Variants in MBD3 observed in about 807,000 individuals in gnomAD.
MBD3 encodes methyl-CpG binding domain protein 3, also known as methyl-CpG-binding domain protein 3.
MBD3 carries 13 observed loss-of-function variants against 31.2 expected under a neutral mutation model. That is an observed-to-expected ratio of 0.42 (90% confidence interval 0.27 to 0.66). The LOEUF (loss-of-function observed/expected upper bound fraction) is 0.66. Ranked by LOEUF, MBD3 falls within the 30% of genes least tolerant of loss-of-function variation. The pLI, the probability that MBD3 is intolerant of heterozygous loss-of-function variation, is 0.26. For missense variants in MBD3, 440 were observed against 426.5 expected, an observed-to-expected ratio of 1.03 and a Z score of -0.28; for synonymous variants, 223 against 187.4, an observed-to-expected ratio of 1.19 and a Z score of -1.55.
At chr19:1,589,843 AAATGAATGAATG>A (rs887978592) in intron 1 of MBD3, among the ~76,000 whole-genome samples, 1 of 152,142 alleles carries the variant, frequency 6.6e-6, no homozygotes, top group East Asian at 1.9e-4. Flanking sequence ...CACAATGAAT[AAATGAATGAATG>A]AATGCAAATG....
Position 1,581,191 on chromosome 19 carries a change from G to T in MBD3, c.578C>A (p.Thr193Lys). ...SALHTSTMPI[T>K]GQLSAAVEKN... ...CTCCACGGCGGCCGAGAGCTGTCCC[G>T]TGATGGGCATGGTGCTAGTGTGCAG... Residue 193 changes from threonine (T) to lysine (K), a missense_variant, in exon 5 of 7, where the codon ACG (threonine) becomes AAG (lysine). Physicochemically the swap from Thr to Lys is moderately conservative, Grantham distance 78. Coordinates refer to ENST00000434436, the MANE Select transcript of MBD3 (RefSeq NM_001281453.2). 6.2e-7 allele frequency: 1 copy of T among 1,614,000 alleles called. No homozygotes were observed. The highest frequency in any genetic ancestry group is 8.5e-7 in the Non-Finnish European group (1 of 1,180,022).
Position 1,578,481 on chromosome 19 carries a change from G to T in MBD3, c.735C>A (p.Ala245=), listed in dbSNP as rs566666133. 10 of 1,610,978 alleles carry T rather than the reference G, an allele frequency of 6.2e-6. No individual in the cohort carries two copies. Among genetic ancestry groups the T allele is most frequent in the Non-Finnish European group, 7.6e-6 (9 of 1,179,896 alleles). The change falls in exon 6 of 7, where the codon GCC becomes GCA. Residue 245 remains alanine, a synonymous_variant. Transcript: ENST00000434436. This position sits in a 1 kb window ranked among gnomAD's most constrained non-coding sequence, Gnocchi z 6.1. ...VRKRLEEALM[A]DMLAHVEELA... ...GCTCCTCCACGTGCGCCAGCATGTC[G>T]GCCATCAGCGCCTCCTCCAGCCGCT...
rs2060676770 is a variant in MBD3, at chr19:1,585,840, C to G, written c.111-626G>C. On this transcript the variant is annotated intron_variant, in intron 1 of 6. Coordinates refer to ENST00000434436, the MANE Select transcript of MBD3 (RefSeq NM_001281453.2). This position sits in a 1 kb window ranked among gnomAD's most constrained non-coding sequence, Gnocchi z 4.1. The stretch of plus-strand genomic sequence containing the variant: ...TCGTTCTAAGATCTGGGGCCAGGCC[C>G]TAACAGCTGCTTGGGCATAACCCGA... 6.4e-6 allele frequency: 1 copy of G among 155,346 alleles called. No homozygotes were observed. The highest frequency in any genetic ancestry group is 2.4e-5 in the African/African-American group (1 of 41,466). The allele number at this position is 155,346 out of a possible 1,614,324, so 9.6% of individuals were successfully genotyped here.
chr19:1,574,956 T>C lies in MBD3; in HGVS notation c.*3208A>G. 1 of 329,232 alleles carries C rather than the reference T, an allele frequency of 3.0e-6. No individual in the cohort carries two copies. The highest frequency in any genetic ancestry group is 6.1e-6 in the Non-Finnish European group (1 of 164,636). 20.4% of individuals were successfully genotyped at this position (329,232 alleles called of 1,614,324 possible). ...GTGGCAGGAGAGGCATGATGCCCCT[T>C]AGCTGGTGTTGCTGAGACTCGGGAG... On this transcript the variant is annotated 3_prime_UTR_variant, in exon 7 of 7. Transcript: ENST00000434436.
In MBD3 at chr19:1,578,650, A is replaced by C; in HGVS notation, c.678-112T>G. 1.9e-6 allele frequency: 3 copies of C among 1,589,982 alleles called. No individual in the cohort carries two copies. In the African/African-American group the frequency reaches 4.0e-5, roughly 21 times the overall value. Reference sequence around the variant, plus strand: ...GGGGAGGCCCGAGGGATCCACAGGCACCCCCCCAGGACCAGCCCTGGCCCG... The same window carrying C: ...GGGGAGGCCCGAGGGATCCACAGGCCCCCCCCCAGGACCAGCCCTGGCCCG... On this transcript the variant is annotated intron_variant, in intron 5 of 6. Coordinates refer to ENST00000434436, the MANE Select transcript of MBD3 (RefSeq NM_001281453.2). The surrounding 1 kb of genome is among the most constrained non-coding windows in gnomAD (Gnocchi z 6.1).
rs929839970 is a variant in MBD3 at position 1,585,918 on chromosome 19, CG to C, written c.111-705del. On this transcript the variant is annotated intron_variant, in intron 1 of 6. Transcript: ENST00000434436. This position sits in a 1 kb window ranked among gnomAD's most constrained non-coding sequence, Gnocchi z 4.1. ...GTAAACACAGACCTGCTCTCAGACA[CG>C]GGGCTCTGCTCTCAGCCTGCCATGG... 12 of 152,784 alleles carry C rather than the reference CG, an allele frequency of 7.9e-5. No homozygotes were observed. The highest frequency in any genetic ancestry group is 2.9e-4 in the African/African-American group (12 of 41,446). 9.5% of individuals were successfully genotyped at this position (152,784 alleles called of 1,614,324 possible). A position where few individuals can be genotyped will look rare whatever the true frequency, so the allele number is the denominator to read the frequency against.
At chr19:1,584,139 T>G (rs1350808259) in intron 3 of MBD3, among the ~76,000 whole-genome samples, 1 of 152,068 alleles carries the variant, frequency 6.6e-6, no homozygotes, top group Non-Finnish European at 1.5e-5. Flanking sequence ...TAGACCATTT[T>G]CTGAGGGGCC....
Position 1,578,276 on chromosome 19 carries a change from A to G in MBD3, c.*5+59T>C. ...CGTCATCCCAAGCACATCTGTGTTC[A>G]CCAGGCAGTCCCCACTGCCAGGACC... On this transcript the variant is annotated intron_variant, in intron 6 of 6. Coordinates refer to ENST00000434436, the MANE Select transcript of MBD3 (RefSeq NM_001281453.2). This position sits in a 1 kb window ranked among gnomAD's most constrained non-coding sequence, Gnocchi z 6.1. The G allele has an allele frequency of 6.3e-7, 1 of 1,596,868 alleles. No individual in the cohort carries two copies. The highest frequency in any genetic ancestry group is 8.5e-7 in the Non-Finnish European group (1 of 1,178,644).
In MBD3 at chr19:1,589,422, G is replaced by A. The variant is rs531444935; in HGVS notation, c.110+3100C>T. Among the ~76,000 whole-genome samples, 43 of 151,748 alleles carry A rather than the reference G, an allele frequency of 2.8e-4. No individual in the cohort carries two copies. The East Asian group carries it at 7.6e-3, about 27-fold the overall frequency. On this transcript the variant is annotated intron_variant, in intron 1 of 6. Transcript: ENST00000434436. ...AATCCCAGCACTTTGGGAGGCCAAG[G>A]AGGGCAGATCACCTGAGGTCAGGAG... is the stretch of plus-strand genomic sequence containing the variant.
chr19:1,585,037 C>T lies in MBD3; in HGVS notation c.270+18G>A, dbSNP rs1400741778. ...GAACGCCCCGCGCCGACGTCACCTGCGTGACGCCACCACTCACCTTGACCT... is the reference window on the plus strand; with the variant it reads ...GAACGCCCCGCGCCGACGTCACCTGTGTGACGCCACCACTCACCTTGACCT... On this transcript the variant is annotated intron_variant, in intron 2 of 6. Transcript: ENST00000434436. This position sits in a 1 kb window ranked among gnomAD's most constrained non-coding sequence, Gnocchi z 4.1. 5 of 1,609,682 alleles carry T rather than the reference C, an allele frequency of 3.1e-6. No homozygotes were observed. Among genetic ancestry groups the T allele is most frequent in the Non-Finnish European group, 3.4e-6 (4 of 1,179,146 alleles).
intron 3 of MBD3, 38 bp downstream of exon 3, chr19:1,584,502 C>T: frequency 6.2e-7 from 1 of 1,609,400 alleles, no homozygotes. Context: ...GTGAACAACC[C>T]GGCCGGGAAG....
At chr19:1,581,720 G>A (rs1917358532) in intron 4 of MBD3, 2 of 266,012 alleles carry the variant, frequency 7.5e-6, no homozygotes, top group Non-Finnish European at 1.5e-5. Context: ...ACTTCAGCAT[G>A]GGCCACGGAG....
chr19:1,582,773 T>C, intron 3 of MBD3, 61 bp from the exon 4 acceptor site: 1 of 1,496,570 alleles, frequency 6.7e-7, no homozygotes, highest in Non-Finnish European at 9.2e-7. Context: ...CTCCAGGTCC[T>C]TGCTGGGCTC....
chr19:1,580,130 T>C (rs1917316075), intron 5 of MBD3, among the ~76,000 whole-genome samples: 1 of 152,276 alleles, frequency 6.6e-6, no homozygotes, highest in Non-Finnish European at 1.5e-5. Flanking sequence ...TTTTCTTTTG[T>C]TGACAATTCT....
At chr19:1,584,185 G>A (rs2060666551) in intron 3 of MBD3, among the ~76,000 whole-genome samples, 1 of 151,892 alleles carries the variant, frequency 6.6e-6, no homozygotes, top group South Asian at 2.1e-4. Context: ...GGGGGTTGAG[G>A]GTGGGGCGTA....
chr19:1,584,880 G>T, intron 2 of MBD3, 175 bp downstream of exon 2: 3 of 1,085,224 alleles, frequency 2.8e-6, no homozygotes, highest in South Asian at 1.6e-5. Flanking sequence ...CCGCGTCCTC[G>T]CCATGCGCCT....
At position 1,585,298 on chromosome 19, in the gene MBD3, C is replaced by A. The variant is rs941392063; in HGVS notation, c.111-84G>T. The A allele has an allele frequency of 2.0e-6, 3 of 1,466,072 alleles. No homozygotes were observed. The highest frequency in any genetic ancestry group is 2.7e-6 in the Non-Finnish European group (3 of 1,091,492). The allele number at this position is 1,466,072 out of a possible 1,614,324, so 90.8% of individuals were successfully genotyped here. Reference sequence around the variant, plus strand: ...TCGGCCGCAGACCCAAACCCAGTCCCAGCCCCAGCTTCAGGTCGCGACCCC... The same window carrying A: ...TCGGCCGCAGACCCAAACCCAGTCCAAGCCCCAGCTTCAGGTCGCGACCCC... On this transcript the variant is annotated intron_variant, in intron 1 of 6. Coordinates refer to ENST00000434436, the MANE Select transcript of MBD3 (RefSeq NM_001281453.2). This position sits in a 1 kb window ranked among gnomAD's most constrained non-coding sequence, Gnocchi z 4.1.
chr19:1,582,523 A>G, intron 4 of MBD3, 99 bp downstream of exon 4: 1 of 1,168,492 alleles, frequency 8.6e-7, no homozygotes, highest in Non-Finnish European at 1.3e-6. Flanking sequence ...CACCCAAAGC[A>G]GGAACAGCCA....
rs1917027250 is a variant in MBD3 at position 1,576,082 on chromosome 19, G to C, written c.*2082C>G. The C allele has an allele frequency of 6.6e-6, 1 of 152,536 alleles. No homozygotes were observed. The highest frequency in any genetic ancestry group is 6.6e-5 in the Admixed American group (1 of 15,254). The allele number at this position is 152,536 out of a possible 1,614,324, so 9.4% of individuals were successfully genotyped here. A position where few individuals can be genotyped will look rare whatever the true frequency, so the allele number is the denominator to read the frequency against. ...ACAGAGAGGGAGACGGCGCAAGAGA[G>C]AGACAAGAGGGAGAGATAGAGACAG... On this transcript the variant is annotated 3_prime_UTR_variant, in exon 7 of 7. Transcript: ENST00000434436.
Sources: allele counts gnomAD v4.1 joint callset (sites outside exome capture counted in the v4.1 genomes callset), GRCh38; gene constraint gnomAD v4.1.1; non-coding constraint Gnocchi (gnomAD v3.1); transcripts MANE v1.5; gene names NCBI Gene and HGNC (gene_info 2026-07-23, HGNC 2026-07-21).